PDGFC: variants seen among roughly 807,000 people sequenced by gnomAD.
The protein encoded by PDGFC is platelet derived growth factor C.
A neutral mutation model predicts 35.5 loss-of-function variants in PDGFC; 12 were observed. The ratio of observed to expected loss-of-function variants is 0.34; its 90% CI spans 0.22 to 0.55. The LOEUF (loss-of-function observed/expected upper bound fraction) is 0.55. Ranked by LOEUF, PDGFC falls within the 20% of genes least tolerant of loss-of-function variation. PDGFC has a pLI of 0.91. For synonymous variants in PDGFC, 159 were observed against 148.8 expected (o/e 1.07, Z -0.50); for missense variants, 322 against 412.4 (o/e 0.78, Z 1.90).
At position 156,960,252 on chromosome 4, in the gene PDGFC, T is replaced by TTATATATATATATATATATATA. The variant is rs202066963; in HGVS notation, c.118+10512_118+10533dup. Among the ~76,000 whole-genome samples, 350 of 136,936 alleles carry TTATATATATATATATATATATA rather than the reference T, an allele frequency of 2.6e-3. 3 individuals carry two copies. The highest frequency in any genetic ancestry group is 9.6e-3 in the African/African-American group (334 of 34,966). 89.8% of individuals were successfully genotyped at this position (136,936 alleles called of 152,430 possible). On this transcript the variant is annotated intron_variant, in intron 1 of 5. Transcript: ENST00000502773. ...AAGCCATTTGATATATATATAACTG[T>TTATATATATATATATATATATA]TATATATATATATATATATATAAAA...
chr4:156,779,870 AT>A (rs1730929831), intron 3 of PDGFC, among the ~76,000 whole-genome samples: 1 of 152,166 alleles, frequency 6.6e-6, no homozygotes, highest in Non-Finnish European at 1.5e-5. Flanking sequence ...AAAGAAAAAA[AT>A]TCACCCTAGT....
At chr4:156,811,049 T>A in intron 2 of PDGFC, 32 bp from the exon 3 acceptor site, 4 of 1,423,738 alleles carry the variant, frequency 2.8e-6, no homozygotes, top group Non-Finnish European at 3.8e-6. Flanking sequence ...GAGACATCAT[T>A]TCATAATCTG....
chr4:156,846,069 C>T (rs1457404482), intron 2 of PDGFC, among the ~76,000 whole-genome samples: 1 of 151,576 alleles, frequency 6.6e-6, no homozygotes, highest in Admixed American at 6.6e-5. Flanking sequence ...AAACTGAAAA[C>T]TTCAAAAAAA....
chr4:156,919,502 T>TC (rs5863241), intron 1 of PDGFC, among the ~76,000 whole-genome samples: 150,632 of 152,274 alleles, frequency 0.99, 74,523 homozygotes, highest in Middle Eastern at 1. Context: ...TTCCTATTTA[T>TC]TTCATCATCC....
chr4:156,894,728 T>C (rs1730589976), intron 1 of PDGFC, among the ~76,000 whole-genome samples: 1 of 152,070 alleles, frequency 6.6e-6, no homozygotes, highest in Non-Finnish European at 1.5e-5. Context: ...AAGAACTCTA[T>C]AGTTAAAAAG....
At chr4:156,793,619 C>T (rs1206216159) in intron 3 of PDGFC, among the ~76,000 whole-genome samples, 1 of 145,934 alleles carries the variant, frequency 6.9e-6, no homozygotes. Context: ...TAAAATTTGT[C>T]CTTATAGTGG....
intron 1 of PDGFC, among the ~76,000 whole-genome samples, chr4:156,907,745 T>A (rs114834879): frequency 1.3e-3 from 203 of 152,258 alleles, no homozygotes; most frequent in African/African-American, 4.8e-3. Flanking sequence ...TCACCTGGGA[T>A]GAAGTGGCCC....
rs1467350395 is a variant in PDGFC, at chr4:156,971,587, G to C, written c.-684C>G. ...TCAGCCCGGAGCGCAGTTGGCCCCG[G>C]GTTCGGAGCGCCGCAGCACGGATTC... On this transcript the variant is annotated 5_prime_UTR_variant, in exon 1 of 6. Transcript: ENST00000502773. Among the ~76,000 whole-genome samples the C allele has an allele frequency of 6.6e-6, 1 of 151,514 alleles. No individual in the cohort carries two copies. The highest frequency in any genetic ancestry group is 1.5e-5 in the Non-Finnish European group (1 of 67,814).
Position 156,806,175 on chromosome 4 carries a change from C to T in PDGFC, c.495+4662G>A, listed in dbSNP as rs141467526. Among the ~76,000 whole-genome samples, 1,477 of 152,028 alleles carry T rather than the reference C, an allele frequency of 9.7e-3. 23 individuals are homozygous for T. The highest frequency in any genetic ancestry group is 0.033 in the African/African-American group (1,373 of 41,472). The stretch of plus-strand genomic sequence containing the variant: ...ATGTAAAATCATAGAAGTGATAGAA[C>T]AAATCAGGCGGCAACTTAAAGGAAG... On this transcript the variant is annotated intron_variant, in intron 3 of 5. Transcript: ENST00000502773.
At chr4:156,807,189 T>A (rs1731792297) in intron 3 of PDGFC, among the ~76,000 whole-genome samples, 1 of 152,016 alleles carries the variant, frequency 6.6e-6, no homozygotes, top group Non-Finnish European at 1.5e-5. Flanking sequence ...TATAAATAAT[T>A]CTCTAAAATA....
intron 1 of PDGFC, among the ~76,000 whole-genome samples, chr4:156,931,638 T>G (rs2110877935): frequency 6.6e-6 from 1 of 152,260 alleles, no homozygotes; most frequent in African/African-American, 2.4e-5. Flanking sequence ...AGAAACTAAG[T>G]TTACTGGCCC....
intron 1 of PDGFC, among the ~76,000 whole-genome samples, chr4:156,934,102 T>C (rs543667384): frequency 2.0e-5 from 3 of 152,320 alleles, no homozygotes; most frequent in South Asian, 2.1e-4. Flanking sequence ...GAATCACCAA[T>C]ATACAGTCAT....
intron 1 of PDGFC, among the ~76,000 whole-genome samples, chr4:156,921,246 C>T (rs908696490): frequency 5.2e-4 from 79 of 152,202 alleles, no homozygotes; most frequent in Admixed American, 2.0e-4. Flanking sequence ...CGTGAAATAA[C>T]GCTACAAAAT....
At chr4:156,841,827 C>T (rs537004174) in intron 2 of PDGFC, among the ~76,000 whole-genome samples, 45 of 152,140 alleles carry the variant, frequency 3.0e-4, no homozygotes, top group African/African-American at 1.1e-3. Flanking sequence ...ACTATAGCAC[C>T]ATGAGAATGG....
chr4:156,785,914 T>C (rs1348875693), intron 3 of PDGFC, among the ~76,000 whole-genome samples: 1 of 152,158 alleles, frequency 6.6e-6, no homozygotes, highest in Non-Finnish European at 1.5e-5. Flanking sequence ...ATTCTTTTCT[T>C]TGCCTTGTTC....
Position 156,970,797 on chromosome 4 carries a change from T to C in PDGFC, c.107A>G (p.Lys36Arg). ...LSSKFQFSSN[K>R]EQNGVQDPQH... ...GGGGAAAGACTCACCGTTCTGTTCC[T>C]TGTTGCTGGAAAACTGGAATTTACT... The change falls in exon 1 of 6, where the codon AAG becomes AGG. Residue 36 changes from lysine to arginine, a missense_variant. Transcript: ENST00000502773. 1 of 1,602,866 alleles carries C rather than the reference T, an allele frequency of 6.2e-7. No individual in the cohort carries two copies. Among genetic ancestry groups the C allele is most frequent in the Non-Finnish European group, 8.5e-7 (1 of 1,169,692 alleles).
At chr4:156,796,240 G>T (rs1731437350) in intron 3 of PDGFC, among the ~76,000 whole-genome samples, 1 of 152,000 alleles carries the variant, frequency 6.6e-6, no homozygotes, top group Non-Finnish European at 1.5e-5. Flanking sequence ...TGATACTCTT[G>T]ATTGAGCCAT....
intron 2 of PDGFC, among the ~76,000 whole-genome samples, chr4:156,815,226 C>CA (rs5863233): frequency 3.8e-4 from 58 of 151,358 alleles, no homozygotes; most frequent in African/African-American, 7.0e-4. Context: ...TATATAATTC[C>CA]AAATTCATGC....
intron 1 of PDGFC, chr4:156,876,368 A>T (rs930771148): frequency 3.3e-5 from 5 of 152,180 alleles, no homozygotes; most frequent in Admixed American, 2.0e-4. Context: ...GAAAAAAGTT[A>T]CTTGATCATT....
Sources: allele counts gnomAD v4.1 joint callset (sites outside exome capture counted in the v4.1 genomes callset), GRCh38; gene constraint gnomAD v4.1.1; transcripts MANE v1.5; gene names NCBI Gene and HGNC (gene_info 2026-07-23, HGNC 2026-07-21).